Variants in BCL2L13 observed in about 807,000 individuals in gnomAD.
BCL2L13 encodes BCL2 like 13, also known as bcl-2-like protein 13.
A neutral mutation model predicts 25.8 loss-of-function variants in BCL2L13; 13 were observed. The observed-to-expected ratio is 0.50, with a 90% CI of 0.33 to 0.80. The LOEUF (loss-of-function observed/expected upper bound fraction) is 0.80. Among genes scored for constraint, BCL2L13 ranks in the 30% least tolerant of loss-of-function variants. The probability of loss-of-function intolerance (pLI) is 0.02; values close to 1 mark genes in which losing one functional copy is unlikely to be tolerated. For missense variants in BCL2L13, 504 were observed against 574.9 expected, an observed-to-expected ratio of 0.88 and a Z score of 1.26; for synonymous variants, 244 against 230.3, an observed-to-expected ratio of 1.06 and a Z score of -0.54.
chr22:17,635,752 C>G (rs1290326111), upstream of BCL2L13, among the ~76,000 whole-genome samples: 1 of 151,894 alleles, frequency 6.6e-6, no homozygotes, highest in African/African-American at 2.4e-5. Context: ...CTCTGTCGCC[C>G]AGGCTGGAGT....
intron 6 of BCL2L13, among the ~76,000 whole-genome samples, chr22:17,717,995 G>A (rs890144524): frequency 2.6e-5 from 4 of 152,202 alleles, no homozygotes; most frequent in Non-Finnish European, 5.9e-5. Flanking sequence ...GCTGAAGTAG[G>A]AGGGTTGCTT....
At chr22:17,675,562 C>T (rs908660839) in intron 2 of BCL2L13, among the ~76,000 whole-genome samples, 2 of 152,122 alleles carry the variant, frequency 1.3e-5, no homozygotes, top group East Asian at 1.9e-4. Context: ...TTAGTAGCTA[C>T]AAGAAGGATT....
At position 17,683,997 on chromosome 22, in the gene BCL2L13, G is replaced by C. The variant is rs531106682; in HGVS notation, c.229+676G>C. ...GCCTGTTCCCTTGTTATTGAGGGGAGCATTTGGATTATTATTCCTTTTTTC... is the reference window on the plus strand; with the variant it reads ...GCCTGTTCCCTTGTTATTGAGGGGACCATTTGGATTATTATTCCTTTTTTC... On this transcript the variant is annotated intron_variant, in intron 3 of 6. Transcript: ENST00000317582. Among the ~76,000 whole-genome samples the C allele has an allele frequency of 4.6e-5, 7 of 151,848 alleles. No homozygotes were observed. In the South Asian group the frequency reaches 1.5e-3, roughly 31 times the overall value.
rs3838141 is a variant in BCL2L13, at chr22:17,728,130, G to GC, written c.*599dup. On this transcript the variant is annotated 3_prime_UTR_variant, in exon 7 of 7. Transcript: ENST00000317582. ...TGCACCCACTCTTTTTTTGCCCCCC[G>GC]CCCTCATCCTGGAGTGTGAGGGTGC... is the stretch of plus-strand genomic sequence containing the variant. The GC allele has an allele frequency of 0.075, 11,772 of 157,200 alleles. 650 individuals are homozygous for GC. Among genetic ancestry groups the GC allele is most frequent in the African/African-American group, 0.15 (6,359 of 41,252 alleles). 9.7% of individuals were successfully genotyped at this position (157,200 alleles called of 1,614,324 possible). A position where few individuals can be genotyped will look rare whatever the true frequency, so the allele number is the denominator to read the frequency against.
intron 6 of BCL2L13, among the ~76,000 whole-genome samples, chr22:17,712,277 T>C (rs576474524): frequency 1.3e-5 from 2 of 152,314 alleles, no homozygotes; most frequent in South Asian, 4.1e-4. Context: ...ATGTTGATAG[T>C]TTCAATAATG....
At position 17,702,352 on chromosome 22, in the gene BCL2L13, A is replaced by G. The variant is rs201253896; in HGVS notation, c.566A>G (p.Tyr189Cys). 94 of 1,610,586 alleles carry G rather than the reference A, an allele frequency of 5.8e-5. 1 individual carries two copies. The highest frequency in any genetic ancestry group is 1.6e-4 in the East Asian group (7 of 44,594). The change falls in exon 6 of 7, where the codon TAT becomes TGT. Residue 189 changes from tyrosine to cysteine, a missense_variant. Tyr to Cys is a radical substitution (Grantham distance 194). Transcript: ENST00000317582. ...TTTGGCGTGACATACCTGGAGGACTATTCGGCAGAGTACATCATTCAGCAA... is the reference window on the plus strand; with the variant it reads ...TTTGGCGTGACATACCTGGAGGACTGTTCGGCAGAGTACATCATTCAGCAA... Reference protein sequence around the residue: ...LQFGVTYLEDYSAEYIIQQGG... With the variant: ...LQFGVTYLEDCSAEYIIQQGG...
chr22:17,714,770 T>C (rs1239048554), intron 6 of BCL2L13, among the ~76,000 whole-genome samples: 4 of 152,144 alleles, frequency 2.6e-5, no homozygotes, highest in Non-Finnish European at 5.9e-5. Flanking sequence ...TCTTCTTTGT[T>C]TATAGTAGAA....
intron 6 of BCL2L13, among the ~76,000 whole-genome samples, chr22:17,725,572 C>T (rs956893609): frequency 6.6e-6 from 1 of 152,112 alleles, no homozygotes; most frequent in Non-Finnish European, 1.5e-5. Flanking sequence ...AGCAACACTG[C>T]CATATGAACT....
At chr22:17,708,468 A>C (rs919842048) in intron 6 of BCL2L13, among the ~76,000 whole-genome samples, 2 of 152,214 alleles carry the variant, frequency 1.3e-5, no homozygotes, top group Non-Finnish European at 2.9e-5. Flanking sequence ...AGTAATAATA[A>C]TCCTCTCATA....
In BCL2L13 at chr22:17,655,702, A is replaced by C. The variant is rs748895518; in HGVS notation, c.-10A>C. On this transcript the variant is annotated 5_prime_UTR_variant, in exon 2 of 7. Coordinates refer to ENST00000317582, the MANE Select transcript of BCL2L13 (RefSeq NM_015367.4). ...AAGTAGACCTTTTTGGAGCCTCACCAGCCAATTCAATGGCGTCCTCTTCTA... is the reference window on the plus strand; with the variant it reads ...AAGTAGACCTTTTTGGAGCCTCACCCGCCAATTCAATGGCGTCCTCTTCTA... The C allele has an allele frequency of 5.0e-6, 8 of 1,610,572 alleles. No individual in the cohort carries two copies. The African/African-American group carries it at 9.4e-5, about 19-fold the overall frequency.
At chr22:17,668,338 T>C (rs1336527671) in intron 2 of BCL2L13, among the ~76,000 whole-genome samples, 1 of 151,726 alleles carries the variant, frequency 6.6e-6, no homozygotes, top group East Asian at 1.9e-4. Flanking sequence ...TTATTATGCT[T>C]TGAGTGTCTT....
At position 17,727,774 on chromosome 22, in the gene BCL2L13, AC is replaced by A. The variant is rs2061336044; in HGVS notation, c.*245del. 7.0e-6 allele frequency: 4 copies of A among 572,976 alleles called. No homozygotes were observed. Among genetic ancestry groups the A allele is most frequent in the Non-Finnish European group, 1.2e-5 (4 of 327,336 alleles). The allele number at this position is 572,976 out of a possible 1,614,324, so 35.5% of individuals were successfully genotyped here. A position where few individuals can be genotyped will look rare whatever the true frequency, so the allele number is the denominator to read the frequency against. On this transcript the variant is annotated 3_prime_UTR_variant, in exon 7 of 7. Coordinates refer to ENST00000317582, the MANE Select transcript of BCL2L13 (RefSeq NM_015367.4). ...AAATTGAGAATCTTAGGGGTAAAGC[AC>A]CCCCTCCAGGACCGGGTTTCTCAGC...
chr22:17,631,244 C>G (rs573740193), intron 1 of BCL2L13, among the ~76,000 whole-genome samples: 141 of 151,720 alleles, frequency 9.3e-4, no homozygotes, highest in African/African-American at 3.0e-3. Context: ...TTACAAGCGC[C>G]CGCCACCACG....
chr22:17,712,994 G>A (rs79033910), intron 6 of BCL2L13, among the ~76,000 whole-genome samples: 2,888 of 152,238 alleles, frequency 0.019, 84 homozygotes, highest in African/African-American at 0.066. Flanking sequence ...GAGTATGTAT[G>A]GGCTTCGGGT....
At chr22:17,654,234 AGCTG>A (rs2058776813) in intron 1 of BCL2L13, among the ~76,000 whole-genome samples, 1 of 150,010 alleles carries the variant, frequency 6.7e-6, no homozygotes, top group African/African-American at 2.5e-5. Flanking sequence ...GCTTCTGAGT[AGCTG>A]GCATTATAGG....
chr22:17,671,565 CAAAA>C (rs35668910), intron 2 of BCL2L13, among the ~76,000 whole-genome samples: 2 of 141,226 alleles, frequency 1.4e-5, no homozygotes, highest in Admixed American at 7.2e-5. Context: ...GGCTACATCT[CAAAA>C]AAAAAAAAAA....
intron 2 of BCL2L13, among the ~76,000 whole-genome samples, chr22:17,678,526 T>A (rs143893365): frequency 1.3e-5 from 2 of 152,288 alleles, no homozygotes; most frequent in Non-Finnish European, 2.9e-5. Context: ...GAGTTCCAAT[T>A]ATAACTTCTT....
intron 4 of BCL2L13, among the ~76,000 whole-genome samples, chr22:17,693,384 T>G (rs1488638959): frequency 2.8e-4 from 37 of 131,090 alleles, no homozygotes; most frequent in African/African-American, 1.0e-3. Flanking sequence ...TTTTTTTTTT[T>G]TTTTTTTTTT....
At chr22:17,697,336 G>T (rs1054246980) in intron 5 of BCL2L13, among the ~76,000 whole-genome samples, 4 of 152,108 alleles carry the variant, frequency 2.6e-5, no homozygotes, top group African/African-American at 9.7e-5. Context: ...TACTCAGGAG[G>T]CTGAGGCAGG....
Sources: gnomAD v4.1 joint callset for allele counts (sites outside exome capture counted in the v4.1 genomes callset) on GRCh38, gnomAD v4.1.1 for gene constraint, MANE v1.5 for transcripts, NCBI Gene and HGNC (gene_info 2026-07-23, HGNC 2026-07-21) for gene names.